Variants in TMEM255B observed in about 807,000 individuals in gnomAD.
TMEM255B encodes family with sequence similarity 70, member B.
TMEM255B carries 35 observed loss-of-function variants against 34.5 expected under a neutral mutation model. The ratio of observed to expected loss-of-function variants is 1.01; its 90% CI spans 0.77 to 1.34. The LOEUF is 1.34. Ranked by LOEUF, TMEM255B falls within the 40% of genes most tolerant of loss-of-function variation. The probability of loss-of-function intolerance (pLI) is 0.00; values close to 1 mark genes in which losing one functional copy is unlikely to be tolerated. For missense variants in TMEM255B, 432 were observed against 433.2 expected, an observed-to-expected ratio of 1.00 and a Z score of 0.02; for synonymous variants, 206 against 201.2, an observed-to-expected ratio of 1.02 and a Z score of -0.20.
chr13:113,772,960 G>T (rs890576362), intron 3 of TMEM255B, among the ~76,000 whole-genome samples: 3 of 152,194 alleles, frequency 2.0e-5, no homozygotes, highest in African/African-American at 7.2e-5. Context: ...TTCTGGTAGG[G>T]ATGTGCTGAA....
rs967841204 is a variant in TMEM255B at position 113,816,167 on chromosome 13, G to A, written c.*4264G>A. 2 of 147,536 alleles carry A rather than the reference G, an allele frequency of 1.4e-5. No individual in the cohort carries two copies. Among genetic ancestry groups the A allele is most frequent in the Non-Finnish European group, 2.9e-5 (2 of 70,068 alleles). 9.1% of individuals were successfully genotyped at this position (147,536 alleles called of 1,614,324 possible). ...GTGCAGTTACTGGTCAGGGACACGA[G>A]TTCTTTTCGGGGAGGCAAGCGTGTT... On this transcript the variant is annotated 3_prime_UTR_variant, in exon 9 of 9. Transcript: ENST00000375353.
intron 4 of TMEM255B, among the ~76,000 whole-genome samples, chr13:113,798,860 G>T (rs931609557): frequency 3.9e-5 from 6 of 152,098 alleles, no homozygotes; most frequent in African/African-American, 1.4e-4. Context: ...ATGCACAGAT[G>T]ATTGATTGGA....
At chr13:113,766,778 C>T (rs558213270) in intron 2 of TMEM255B, among the ~76,000 whole-genome samples, 35 of 152,180 alleles carry the variant, frequency 2.3e-4, no homozygotes, top group Non-Finnish European at 4.0e-4. Context: ...GTGACGTGAT[C>T]GCGTGGGAAC....
intron 3 of TMEM255B, among the ~76,000 whole-genome samples, chr13:113,777,524 C>T (rs2050599013): frequency 1.3e-5 from 2 of 152,196 alleles, no homozygotes; most frequent in Non-Finnish European, 2.9e-5. Flanking sequence ...CCGGCTGTGT[C>T]TCTGGGGGCA....
chr13:113,801,107 C>T (rs1417836374), intron 6 of TMEM255B, among the ~76,000 whole-genome samples, 195 bp downstream of exon 6: 2 of 152,078 alleles, frequency 1.3e-5, no homozygotes, highest in Non-Finnish European at 2.9e-5. Context: ...CTGACATCAC[C>T]CCCCCCACAC....
At chr13:113,772,781 C>T (rs530261391) in intron 3 of TMEM255B, among the ~76,000 whole-genome samples, 13 of 152,324 alleles carry the variant, frequency 8.5e-5, no homozygotes, top group East Asian at 5.8e-4. Context: ...TTGCTTGTGC[C>T]GGTACCACAG....
At chr13:113,784,826 G>T (rs748230469) in intron 3 of TMEM255B, among the ~76,000 whole-genome samples, 2 of 151,386 alleles carry the variant, frequency 1.3e-5, no homozygotes, top group Non-Finnish European at 2.9e-5. Flanking sequence ...CACTGCCCAC[G>T]GCTTCCTGGG....
At position 113,761,430 on chromosome 13, in the gene TMEM255B, G is replaced by A. The variant is rs140917110; in HGVS notation, c.46+2115G>A. On this transcript the variant is annotated intron_variant, in intron 1 of 8. Transcript: ENST00000375353. Reference sequence around the variant, plus strand: ...GAAGGAGCCAGGAAGGGGAGAGCAGGTGGGATGGGAGAAGTGGGGGCTGGT... The same window carrying A: ...GAAGGAGCCAGGAAGGGGAGAGCAGATGGGATGGGAGAAGTGGGGGCTGGT... The A allele has an allele frequency of 1.8e-3, 1,667 of 944,876 alleles. 6 individuals are homozygous for A. Among genetic ancestry groups the A allele is most frequent in the Non-Finnish European group, 2.0e-3 (1,575 of 792,990 alleles). The allele number at this position is 944,876 out of a possible 1,614,324, so 58.5% of individuals were successfully genotyped here. A position where few individuals can be genotyped will look rare whatever the true frequency, so the allele number is the denominator to read the frequency against.
At chr13:113,798,959 C>T (rs895973569) in intron 4 of TMEM255B, among the ~76,000 whole-genome samples, 1 of 152,136 alleles carries the variant, frequency 6.6e-6, no homozygotes, top group Non-Finnish European at 1.5e-5. Context: ...TGCTACCTTC[C>T]TAGTAGAAGA....
rs1223679443 is a variant in TMEM255B at position 113,815,747 on chromosome 13, T to C, written c.*3844T>C. 4 of 152,394 alleles carry C rather than the reference T, an allele frequency of 2.6e-5. No individual in the cohort carries two copies. Among genetic ancestry groups the C allele is most frequent in the Admixed American group, 2.0e-4 (3 of 15,278 alleles). The allele number at this position is 152,394 out of a possible 1,614,324, so 9.4% of individuals were successfully genotyped here. A position where few individuals can be genotyped will look rare whatever the true frequency, so the allele number is the denominator to read the frequency against. On this transcript the variant is annotated 3_prime_UTR_variant, in exon 9 of 9. Coordinates refer to ENST00000375353, the MANE Select transcript of TMEM255B (RefSeq NM_182614.4). Reference sequence around the variant, plus strand: ...GTCTCGGGTATGTCCTTATTAGCAGTGTGAAAACAGAATACTACAGTGGTC... The same window carrying C: ...GTCTCGGGTATGTCCTTATTAGCAGCGTGAAAACAGAATACTACAGTGGTC...
At position 113,804,882 on chromosome 13, in the gene TMEM255B, C is replaced by T. The variant is rs374102868; in HGVS notation, c.670-3C>T. ...CCGACCACCCGTCTCCTCTCCATGG[C>T]AGGTGCCTCTGTCCCAGCTGGCCTA... On this transcript the variant is annotated splice_polypyrimidine_tract_variant and splice_region_variant and intron_variant, in intron 7 of 8. Transcript: ENST00000375353. 1.9e-6 allele frequency: 3 copies of T among 1,597,244 alleles called. No individual in the cohort carries two copies. In the African/African-American group the frequency reaches 4.0e-5, roughly 21 times the overall value.
chr13:113,793,887 A>G (rs1248719900), intron 3 of TMEM255B, among the ~76,000 whole-genome samples: 1 of 152,126 alleles, frequency 6.6e-6, no homozygotes, highest in Non-Finnish European at 1.5e-5. Context: ...GCAGGCGGCC[A>G]CCACTGGTCC....
intron 7 of TMEM255B, 102 bp from the exon 8 acceptor site, chr13:113,804,783 T>A: frequency 9.1e-7 from 1 of 1,102,212 alleles, no homozygotes; most frequent in Admixed American, 2.9e-5. Context: ...AGTTCCAGCC[T>A]GAGAGTCGGG....
chr13:113,814,269 CAA>C lies in TMEM255B; in HGVS notation c.*2368_*2369del, dbSNP rs972120948. The C allele has an allele frequency of 6.6e-5, 10 of 152,430 alleles. No individual in the cohort carries two copies. The highest frequency in any genetic ancestry group is 2.4e-4 in the African/African-American group (10 of 41,582). 9.4% of individuals were successfully genotyped at this position (152,430 alleles called of 1,614,324 possible). A position where few individuals can be genotyped will look rare whatever the true frequency, so the allele number is the denominator to read the frequency against. On this transcript the variant is annotated 3_prime_UTR_variant, in exon 9 of 9. Coordinates refer to ENST00000375353, the MANE Select transcript of TMEM255B (RefSeq NM_182614.4). ...CTATGCCCCCTGGAGCTCTGGCCAG[CAA>C]AGTCACAGGAATAACCCTCCTTCCC...
At position 113,809,543 on chromosome 13, in the gene TMEM255B, AACTCTGTGGTTCCTGGGGGGAGGGGTT is replaced by A. The variant is rs376470541; in HGVS notation, c.814-2165_814-2139del. ...TTTACTCCATGGTTCCCGGGGGTTT[AACTCTGTGGTTCCTGGGGGGAGGGGTT>A]ACTCTGTGGTTCCTGGGGGGAGGGG... is the stretch of plus-strand genomic sequence containing the variant. On this transcript the variant is annotated intron_variant, in intron 8 of 8. Coordinates refer to ENST00000375353, the MANE Select transcript of TMEM255B (RefSeq NM_182614.4). 6.4e-3 allele frequency among the ~76,000 whole-genome samples: 453 copies of A among 70,834 alleles called. 6 individuals are homozygous for A. The highest frequency in any genetic ancestry group is 0.027 in the African/African-American group (429 of 15,692). The allele number at this position is 70,834 out of a possible 152,430, so 46.5% of individuals were successfully genotyped here.
intron 4 of TMEM255B, among the ~76,000 whole-genome samples, chr13:113,796,410 CCACACAGAGCACACACCACACAGAG>C (rs1419606022): frequency 3.3e-5 from 2 of 60,924 alleles, no homozygotes; most frequent in Admixed American, 4.3e-4. Flanking sequence ...ACCTCACACA[CCACACAGAGCACACACCACACAGAG>C]CACACACCAC....
intron 3 of TMEM255B, among the ~76,000 whole-genome samples, chr13:113,786,560 A>G (rs61966739): frequency 6.6e-6 from 1 of 151,236 alleles, no homozygotes; most frequent in Admixed American, 6.6e-5. Context: ...CGTCAACATC[A>G]TCACCGTCAT....
chr13:113,805,904 TAAC>T (rs1458001664), intron 8 of TMEM255B, among the ~76,000 whole-genome samples: 4 of 152,114 alleles, frequency 2.6e-5, no homozygotes, highest in African/African-American at 9.7e-5. Context: ...TTGCGTGAGT[TAAC>T]AGCAGCCTCT....
At chr13:113,794,105 G>T (rs71449035) in intron 3 of TMEM255B, among the ~76,000 whole-genome samples, 2 of 152,230 alleles carry the variant, frequency 1.3e-5, no homozygotes, top group African/African-American at 4.8e-5. Flanking sequence ...CTGACATCGG[G>T]GGAAGAGGCC....
Sources: allele counts gnomAD v4.1 joint callset (sites outside exome capture counted in the v4.1 genomes callset), GRCh38; gene constraint gnomAD v4.1.1; transcripts MANE v1.5; gene names NCBI Gene and HGNC (gene_info 2026-07-23, HGNC 2026-07-21).